FKBP11: variants seen among roughly 807,000 people sequenced by gnomAD.
The protein encoded by FKBP11 is peptidyl-prolyl cis-trans isomerase FKBP11.
In FKBP11, 21 loss-of-function variants were observed where a neutral mutation model predicts 24.7. That is an observed-to-expected ratio of 0.85 (90% CI 0.60 to 1.23). FKBP11 has a LOEUF of 1.23. FKBP11 is among the 50% of genes most tolerant of loss of function. The pLI, the probability that FKBP11 is intolerant of heterozygous loss-of-function variation, is 0.00. For missense variants in FKBP11, 245 were observed against 248.7 expected (o/e 0.99, Z 0.10); for synonymous variants, 106 against 100.6 (o/e 1.05, Z -0.32).
the FKBP11 span, chr12:48,938,254 C>T: frequency 2.6e-6 from 1 of 383,650 alleles, no homozygotes; most frequent in Admixed American, 3.0e-5. Context: ...GTCCTATCAT[C>T]CAGAAAAACC....
upstream of FKBP11, among the ~76,000 whole-genome samples, chr12:48,929,925 T>C (rs1346787698): frequency 6.6e-6 from 1 of 152,184 alleles, no homozygotes; most frequent in African/African-American, 2.4e-5. Context: ...CCTGATTCTC[T>C]TAGCTAGGAT....
rs1365250800 is a variant in FKBP11, at chr12:48,925,422, G to A, written c.7C>T (p.Leu3=). ...TGGAGCGGGAGGAGTGAGGGGCGCA[G>A]GGTCATGACTGGGCGCGGGGCAGGG... is the stretch of plus-strand genomic sequence containing the variant. MT[L]RPSLLPLHLL... The change falls in exon 1 of 6, where the codon CTG becomes TTG. Residue 3 remains leucine, a synonymous_variant. Transcript: ENST00000550765. 6.4e-7 allele frequency: 1 copy of A among 1,568,592 alleles called. No individual in the cohort carries two copies. Among genetic ancestry groups the A allele is most frequent in the South Asian group, 1.2e-5 (1 of 85,722 alleles).
At chr12:48,927,699 A>C (rs1939996366), upstream of FKBP11, among the ~76,000 whole-genome samples, 1 of 152,078 alleles carries the variant, frequency 6.6e-6, no homozygotes, top group Non-Finnish European at 1.5e-5. Flanking sequence ...TCTCCCCCTA[A>C]TCATCTTTCC....
chr12:48,927,768 T>C (rs1025032533), upstream of FKBP11, among the ~76,000 whole-genome samples: 8 of 152,220 alleles, frequency 5.3e-5, no homozygotes, highest in Non-Finnish European at 1.0e-4. Context: ...GAAGCCATAT[T>C]AGACCATGAG....
chr12:48,934,655 A>G, the FKBP11 span, among the ~76,000 whole-genome samples: 1 of 152,190 alleles, frequency 6.6e-6, no homozygotes, highest in Non-Finnish European at 1.5e-5. Context: ...CCATTCAGCT[A>G]AAGTCCTCTC....
At chr12:48,938,929 G>T in the FKBP11 span, 1 of 1,610,156 alleles carries the variant, frequency 6.2e-7, no homozygotes, top group Non-Finnish European at 8.5e-7. Context: ...GGGGTGCTTT[G>T]TTAGGGCTGT....
chr12:48,923,490 G>C, intron 5 of FKBP11: 1 of 1,550,346 alleles, frequency 6.5e-7, no homozygotes, highest in Non-Finnish European at 8.7e-7. Flanking sequence ...CCAGTGTTCT[G>C]GGAAAGGTGG....
chr12:48,928,896 C>T (rs1244846888), upstream of FKBP11, among the ~76,000 whole-genome samples: 1 of 145,340 alleles, frequency 6.9e-6, no homozygotes, highest in Non-Finnish European at 1.5e-5. Context: ...AATCTCGGCT[C>T]ACTGCAAGCT....
the FKBP11 span, among the ~76,000 whole-genome samples, chr12:48,933,738 A>C: frequency 3.5e-4 from 53 of 149,856 alleles, no homozygotes; most frequent in African/African-American, 1.3e-3. Context: ...TGTGGTGTGC[A>C]CTCATAATCC....
rs781164099 is a variant in FKBP11 at position 48,924,545 on chromosome 12, G to A, written c.283+16C>T. On this transcript the variant is annotated intron_variant, in intron 3 of 5. Transcript: ENST00000550765. ...TAGGTTGGGAAGAGGTGGAATGGGA[G>A]GCACAGGTCACATACCTGGAATCAC... The A allele has an allele frequency of 1.9e-6, 3 of 1,607,842 alleles. No homozygotes were observed. The highest frequency in any genetic ancestry group is 3.3e-4 in the Middle Eastern group (2 of 6,050).
In FKBP11 at chr12:48,925,111, C is replaced by A; in HGVS notation, c.130G>T (p.Val44Leu). 1 of 1,613,500 alleles carries A rather than the reference C, an allele frequency of 6.2e-7. No homozygotes were observed. ...PVRTLQVETL[V>L]EPPEPCAEPA... ...TCGGCACATGGTTCTGGGGGCTCCACCTACGATCGGACTACAGGGGTCACG... is the reference window on the plus strand; with the variant it reads ...TCGGCACATGGTTCTGGGGGCTCCAACTACGATCGGACTACAGGGGTCACG... The change falls in exon 2 of 6, where the codon GTG becomes TTG. Residue 44 changes from valine to leucine, a missense_variant and splice_region_variant. Transcript: ENST00000550765.
intron 1 of FKBP11, 23 bp downstream of exon 1, chr12:48,925,277 G>A (rs1460854269): frequency 7.5e-6 from 12 of 1,609,640 alleles, no homozygotes; most frequent in Non-Finnish European, 1.0e-5. Flanking sequence ...CACGGGGGCT[G>A]AGGGTCGGGA....
upstream of FKBP11, among the ~76,000 whole-genome samples, chr12:48,931,137 A>AAAAAT (rs1940044458): frequency 7.5e-6 from 1 of 134,068 alleles, no homozygotes; most frequent in Non-Finnish European, 1.7e-5. Flanking sequence ...TTAAAAAAAA[A>AAAAAT]AAAAAAAAAA....
the FKBP11 span, chr12:48,935,926 T>G: frequency 6.6e-6 from 1 of 152,194 alleles, no homozygotes; most frequent in Non-Finnish European, 1.5e-5. Flanking sequence ...GATTTCAGGT[T>G]TAAACCCTTT....
chr12:48,935,549 G>C, the FKBP11 span, among the ~76,000 whole-genome samples: 1 of 152,178 alleles, frequency 6.6e-6, no homozygotes, highest in East Asian at 1.9e-4. Context: ...GAACAGAATA[G>C]TGGTGGGAGT....
chr12:48,930,459 T>A (rs1396309773), upstream of FKBP11, among the ~76,000 whole-genome samples: 1 of 152,244 alleles, frequency 6.6e-6, no homozygotes, highest in Non-Finnish European at 1.5e-5. Flanking sequence ...TAGAAATTAC[T>A]TTGGTTATAA....
the FKBP11 span, chr12:48,938,898 G>A: frequency 1.3e-6 from 2 of 1,591,354 alleles, no homozygotes; most frequent in East Asian, 2.2e-5. Flanking sequence ...CAGGGTGACA[G>A]TAGGTATGTC....
At chr12:48,931,129 A>T (rs1239843900), upstream of FKBP11, among the ~76,000 whole-genome samples, 1 of 27,236 alleles carries the variant, frequency 3.7e-5, no homozygotes, top group African/African-American at 1.1e-4. Flanking sequence ...ACTCCAGCTT[A>T]AAAAAAAAAA....
the FKBP11 span, chr12:48,938,843 G>A: frequency 3.4e-6 from 5 of 1,450,424 alleles, no homozygotes; most frequent in South Asian, 6.9e-5. Context: ...ATGATACCCA[G>A]GGCCCTGGCC....
Sources: gnomAD v4.1 joint callset for allele counts (sites outside exome capture counted in the v4.1 genomes callset) on GRCh38, gnomAD v4.1.1 for gene constraint, MANE v1.5 for transcripts, NCBI Gene and HGNC (gene_info 2026-07-23, HGNC 2026-07-21) for gene names.